Variants in STX17 observed in about 807,000 individuals in gnomAD.
STX17 encodes the protein syntaxin 17, also known as syntaxin-17.
A neutral mutation model predicts 35.9 loss-of-function variants in STX17; 29 were observed. The observed-to-expected ratio is 0.81, with a 90% CI of 0.60 to 1.10. STX17 has a LOEUF of 1.10. Ranked by LOEUF, STX17 falls within the 50% of genes least tolerant of loss-of-function variation. The pLI, the probability that STX17 is intolerant of heterozygous loss-of-function variation, is 0.00. For missense variants in STX17, 312 were observed against 352.3 expected, an observed-to-expected ratio of 0.89 and a Z score of 0.92; for synonymous variants, 92 against 118.3, an observed-to-expected ratio of 0.78 and a Z score of 1.44.
chr9:99,922,788 T>C (rs1828913822), intron 2 of STX17, among the ~76,000 whole-genome samples: 3 of 152,220 alleles, frequency 2.0e-5, no homozygotes, highest in Non-Finnish European at 4.4e-5. Flanking sequence ...TTCACTAGTC[T>C]AATCTTACTG....
At position 99,971,858 on chromosome 9, in the gene STX17, T is replaced by G. The variant is rs548779941; in HGVS notation, c.*3185T>G. The stretch of plus-strand genomic sequence containing the variant: ...CAACATAGTGAGACTCTTGTCTGTA[T>G]GAAAAAAATTAAGAATTAGCTGGGT... On this transcript the variant is annotated 3_prime_UTR_variant, in exon 8 of 8. Transcript: ENST00000259400. Among the ~76,000 whole-genome samples the G allele has an allele frequency of 6.6e-6, 1 of 152,074 alleles. No individual in the cohort carries two copies. Among genetic ancestry groups the G allele is most frequent in the Admixed American group, 6.5e-5 (1 of 15,270 alleles).
At chr9:99,938,784 C>T (rs1829289932) in intron 3 of STX17, among the ~76,000 whole-genome samples, 1 of 110,786 alleles carries the variant, frequency 9.0e-6, no homozygotes, top group Non-Finnish European at 1.7e-5. Flanking sequence ...GAGACCTTGT[C>T]TGGAAGGAAG....
At chr9:99,941,363 T>C (rs1829358395) in intron 3 of STX17, among the ~76,000 whole-genome samples, 1 of 152,208 alleles carries the variant, frequency 6.6e-6, no homozygotes, top group Non-Finnish European at 1.5e-5. Context: ...AAATTCCTGC[T>C]CAGTTTTACC....
chr9:99,914,741 C>T (rs901009974), intron 1 of STX17, among the ~76,000 whole-genome samples: 1 of 152,120 alleles, frequency 6.6e-6, no homozygotes, highest in East Asian at 1.9e-4. Flanking sequence ...AGTGTTAAGC[C>T]ATTTGATACC....
rs147330214 is a variant in STX17 at position 99,912,722 on chromosome 9, G to A, written c.-62-2456G>A. Among the ~76,000 whole-genome samples, 13 of 152,186 alleles carry A rather than the reference G, an allele frequency of 8.5e-5. No individual in the cohort carries two copies. The East Asian group carries it at 2.3e-3, about 27-fold the overall frequency. ...ATTTGTAAAATTGTGAAGCATCTAC[G>A]TAATTATAGAAAATTATTTACATGG... On this transcript the variant is annotated intron_variant, in intron 1 of 7. Transcript: ENST00000259400.
intron 3 of STX17, among the ~76,000 whole-genome samples, chr9:99,934,795 C>G (rs1829197515): frequency 6.6e-6 from 1 of 152,058 alleles, no homozygotes; most frequent in African/African-American, 2.4e-5. Flanking sequence ...TTTAAAAATG[C>G]AAATATATGC....
At position 99,972,319 on chromosome 9, in the gene STX17, T is replaced by C. The variant is rs749899189; in HGVS notation, c.*3646T>C. On this transcript the variant is annotated 3_prime_UTR_variant, in exon 8 of 8. Coordinates refer to ENST00000259400, the MANE Select transcript of STX17 (RefSeq NM_017919.3). ...TTTAAAACAAATTTATCATAATTCATAGATCAAATGATTATCCTTTAAAAT... is the reference window on the plus strand; with the variant it reads ...TTTAAAACAAATTTATCATAATTCACAGATCAAATGATTATCCTTTAAAAT... Among the ~76,000 whole-genome samples, 2 of 152,258 alleles carry C rather than the reference T, an allele frequency of 1.3e-5. No homozygotes were observed. The highest frequency in any genetic ancestry group is 2.9e-5 in the Non-Finnish European group (2 of 68,042).
chr9:99,944,952 A>G (rs1193121348), intron 3 of STX17, among the ~76,000 whole-genome samples: 1 of 152,184 alleles, frequency 6.6e-6, no homozygotes, highest in African/African-American at 2.4e-5. Context: ...TGATCAGAGT[A>G]TATGGTCTGT....
At chr9:99,929,595 G>T (rs1476276663) in intron 3 of STX17, among the ~76,000 whole-genome samples, 2 of 151,174 alleles carry the variant, frequency 1.3e-5, no homozygotes, top group Non-Finnish European at 2.9e-5. Flanking sequence ...TGATTAATCA[G>T]GTTTAGATTT....
At chr9:99,936,722 C>T (rs547703466) in intron 3 of STX17, among the ~76,000 whole-genome samples, 45 of 152,234 alleles carry the variant, frequency 3.0e-4, no homozygotes, top group South Asian at 6.2e-4. Context: ...TTCTCCTCTA[C>T]CAGCCTATAT....
intron 3 of STX17, 118 bp from the exon 4 acceptor site, chr9:99,950,942 C>T (rs1462167342): frequency 1.0e-6 from 1 of 970,594 alleles, no homozygotes; most frequent in Admixed American, 2.9e-5. Context: ...TATGCTACAC[C>T]TTCTATTGTG....
intron 3 of STX17, among the ~76,000 whole-genome samples, chr9:99,931,525 G>A (rs745601298): frequency 7.4e-5 from 11 of 149,018 alleles, no homozygotes; most frequent in South Asian, 2.1e-4. Flanking sequence ...CTAAAGGTCC[G>A]CAAACTGATT....
intron 3 of STX17, among the ~76,000 whole-genome samples, chr9:99,930,363 G>A (rs1430410349): frequency 6.6e-6 from 1 of 151,378 alleles, no homozygotes. Context: ...CTCCTCCTGG[G>A]TTCACGCCAT....
At chr9:99,928,519 A>AT (rs1829036204) in intron 2 of STX17, among the ~76,000 whole-genome samples, 1 of 152,160 alleles carries the variant, frequency 6.6e-6, no homozygotes, top group Non-Finnish European at 1.5e-5. Flanking sequence ...GACAAAATAC[A>AT]TACTCTTTTT....
At chr9:99,916,263 TC>T (rs1828767778) in intron 2 of STX17, 1 of 339,142 alleles carries the variant, frequency 2.9e-6, no homozygotes, top group Non-Finnish European at 5.8e-6. Flanking sequence ...TTTGGAAACA[TC>T]AAGTTTACTC....
rs1230449373 is a variant in STX17 at position 99,973,305 on chromosome 9, G to T, written c.*4632G>T. 6.6e-6 allele frequency among the ~76,000 whole-genome samples: 1 copy of T among 152,162 alleles called. No homozygotes were observed. Among genetic ancestry groups the T allele is most frequent in the Non-Finnish European group, 1.5e-5 (1 of 68,024 alleles). ...GCACAAGGCTAGGATTATAACCAGGGTCTAGGAAAAAATCCTGAAGGTGAT... is the reference window on the plus strand; with the variant it reads ...GCACAAGGCTAGGATTATAACCAGGTTCTAGGAAAAAATCCTGAAGGTGAT... On this transcript the variant is annotated 3_prime_UTR_variant, in exon 8 of 8. Transcript: ENST00000259400.
chr9:99,952,514 G>C (rs1829622504), intron 4 of STX17, among the ~76,000 whole-genome samples: 1 of 152,098 alleles, frequency 6.6e-6, no homozygotes, highest in South Asian at 2.1e-4. Flanking sequence ...ATTTGACCCA[G>C]CCATCCCATT....
chr9:99,951,232 A>G lies in STX17; in HGVS notation c.362A>G (p.Asn121Ser). The G allele has an allele frequency of 6.2e-7, 1 of 1,613,040 alleles. No individual in the cohort carries two copies. The highest frequency in any genetic ancestry group is 8.5e-7 in the Non-Finnish European group (1 of 1,179,172). ...GTAGAAGAACTTAAGAAGCAATTTA[A>G]TGATGAAGAAACTTTGCTACAGCCT... ...ESVEELKKQF[N>S]DEETLLQPPL... Residue 121 changes from asparagine to serine, a missense_variant, in exon 4 of 8, where the codon AAT (asparagine) becomes AGT (serine). Asn to Ser is a conservative substitution (Grantham distance 46, BLOSUM62 1). Transcript: ENST00000259400.
intron 4 of STX17, among the ~76,000 whole-genome samples, chr9:99,958,576 A>G (rs1340367292): frequency 6.6e-6 from 1 of 152,218 alleles, no homozygotes; most frequent in African/African-American, 2.4e-5. Flanking sequence ...TACCCAAGGC[A>G]AACAGTTTAT....
Sources: allele counts gnomAD v4.1 joint callset (sites outside exome capture counted in the v4.1 genomes callset), GRCh38; gene constraint gnomAD v4.1.1; transcripts MANE v1.5; gene names NCBI Gene and HGNC (gene_info 2026-07-23, HGNC 2026-07-21).